Variants in SLC24A4 observed in about 807,000 individuals in gnomAD.
SLC24A4 encodes the protein solute carrier family 24 member 4, also known as sodium/potassium/calcium exchanger 4.
SLC24A4 carries 53 observed loss-of-function variants against 79.0 expected under a neutral mutation model. The ratio of observed to expected loss-of-function variants is 0.67; its 90% CI spans 0.54 to 0.84. The LOEUF is 0.84. Ranked by LOEUF, SLC24A4 falls within the 40% of genes least tolerant of loss-of-function variation. The pLI, the probability that SLC24A4 is intolerant of heterozygous loss-of-function variation, is 0.00. For missense variants in SLC24A4, 731 were observed against 822.0 expected (o/e 0.89, Z 1.35); for synonymous variants, 323 against 323.8 (o/e 1.00, Z 0.03).
intron 2 of SLC24A4, among the ~76,000 whole-genome samples, chr14:92,332,478 C>A (rs1885537285): frequency 1.3e-5 from 2 of 152,110 alleles, no homozygotes; most frequent in African/African-American, 2.4e-5. Context: ...CAGCCCAGAG[C>A]AACAGAGGGA....
chr14:92,403,513 C>T (rs189589205), intron 2 of SLC24A4, among the ~76,000 whole-genome samples: 1 of 151,570 alleles, frequency 6.6e-6, no homozygotes, highest in African/African-American at 2.4e-5. Flanking sequence ...GAGGCTGAGG[C>T]AGGAGAATTG....
rs1385414491 is a variant in SLC24A4 at position 92,484,235 on chromosome 14, A to G, written c.1422+1389A>G. On this transcript the variant is annotated intron_variant, in intron 13 of 16. Coordinates refer to ENST00000532405, the MANE Select transcript of SLC24A4 (RefSeq NM_153646.4). ...ACAGTGTATGGGAGCCATTTTGCCTATGCTTTCCTGAAATCCCACCCTTTG... is the reference window on the plus strand; with the variant it reads ...ACAGTGTATGGGAGCCATTTTGCCTGTGCTTTCCTGAAATCCCACCCTTTG... 5 of 984,892 alleles carry G rather than the reference A, an allele frequency of 5.1e-6. No individual in the cohort carries two copies. The African/African-American group carries it at 7.0e-5, about 14-fold the overall frequency. The allele number at this position is 984,892 out of a possible 1,614,324, so 61.0% of individuals were successfully genotyped here. A position where few individuals can be genotyped will look rare whatever the true frequency, so the allele number is the denominator to read the frequency against.
At chr14:92,461,055 A>T (rs117494569) in intron 12 of SLC24A4, among the ~76,000 whole-genome samples, 4 of 152,124 alleles carry the variant, frequency 2.6e-5, no homozygotes, top group African/African-American at 9.7e-5. Context: ...CAGTGCTGGC[A>T]CCGCCCTGAA....
chr14:92,350,742 G>A (rs1402229285), intron 2 of SLC24A4, among the ~76,000 whole-genome samples: 1 of 152,242 alleles, frequency 6.6e-6, no homozygotes, highest in Non-Finnish European at 1.5e-5. Context: ...AGATATAGCT[G>A]CAGGACTTTG....
At chr14:92,382,363 G>C (rs1888904436) in intron 2 of SLC24A4, among the ~76,000 whole-genome samples, 1 of 152,154 alleles carries the variant, frequency 6.6e-6, no homozygotes, top group Non-Finnish European at 1.5e-5. Flanking sequence ...GTTCACCTCT[G>C]TGAGCCTCAG....
chr14:92,323,925 T>G lies in SLC24A4; in HGVS notation c.95T>G (p.Leu32Arg), dbSNP rs751387315. 3.7e-6 allele frequency: 6 copies of G among 1,611,164 alleles called. No homozygotes were observed. Among genetic ancestry groups the G allele is most frequent in the Non-Finnish European group, 5.1e-6 (6 of 1,179,724 alleles). Residue 32 changes from leucine (L) to arginine (R), a missense_variant, in exon 1 of 17, where the codon CTG (leucine) becomes CGG (arginine). Transcript: ENST00000532405. The surrounding 1 kb of genome is among the most constrained non-coding windows in gnomAD (Gnocchi z 4.9). ...QVGFVCAVLA[L>R]VCCASGLFGS... The stretch of plus-strand genomic sequence containing the variant: ...GGCTTCGTGTGCGCGGTGCTGGCCC[T>G]GGTGTGCTGTGCGTCCGGCCTCTTC...
At chr14:92,404,157 C>T (rs981201721) in intron 2 of SLC24A4, among the ~76,000 whole-genome samples, 1 of 152,186 alleles carries the variant, frequency 6.6e-6, no homozygotes, top group Non-Finnish European at 1.5e-5. Context: ...TCTGACTCCG[C>T]ATCTACCCTA....
At chr14:92,455,549 C>T (rs191609345) in intron 11 of SLC24A4, among the ~76,000 whole-genome samples, 117 of 152,260 alleles carry the variant, frequency 7.7e-4, no homozygotes, top group African/African-American at 2.5e-3. Flanking sequence ...AGTTCAAGTT[C>T]AGGAAAAACT....
At chr14:92,412,677 A>G (rs1595240901) in intron 2 of SLC24A4, among the ~76,000 whole-genome samples, 3 of 152,072 alleles carry the variant, frequency 2.0e-5, no homozygotes, top group Admixed American at 2.0e-4. Flanking sequence ...CCTGCGGGTC[A>G]GGGGGCCGCA....
intron 12 of SLC24A4, among the ~76,000 whole-genome samples, chr14:92,459,550 G>A (rs1054119272): frequency 6.6e-6 from 1 of 152,136 alleles, no homozygotes; most frequent in African/African-American, 2.4e-5. Flanking sequence ...AGTTCCACAC[G>A]TTTCCTCTGT....
At chr14:92,467,925 A>C (rs9323877) in intron 12 of SLC24A4, among the ~76,000 whole-genome samples, 1 of 152,000 alleles carries the variant, frequency 6.6e-6, no homozygotes, top group Admixed American at 6.6e-5. Context: ...TCTATTCCAC[A>C]TTATGCTGAG....
intron 2 of SLC24A4, among the ~76,000 whole-genome samples, chr14:92,375,901 A>G (rs1346428594): frequency 2.6e-5 from 4 of 152,174 alleles, no homozygotes; most frequent in Non-Finnish European, 5.9e-5. Flanking sequence ...GTTCTTCCCA[A>G]AGGTGGTGTG....
rs10148376 is a variant in SLC24A4 at position 92,446,672 on chromosome 14, A to G, written c.684-699A>G. Among the ~76,000 whole-genome samples, 908 of 152,348 alleles carry G rather than the reference A, an allele frequency of 6.0e-3. 11 individuals are homozygous for G. The highest frequency in any genetic ancestry group is 0.021 in the African/African-American group (867 of 41,582). On this transcript the variant is annotated intron_variant, in intron 8 of 16. Coordinates refer to ENST00000532405, the MANE Select transcript of SLC24A4 (RefSeq NM_153646.4). ...GGAGGTTAGCAAAGGAAGAGCTCCC[A>G]AAACAACTGTAGCCCATGCTGGACA... is the stretch of plus-strand genomic sequence containing the variant.
chr14:92,457,883 C>T (rs1215776683), intron 12 of SLC24A4, among the ~76,000 whole-genome samples: 1 of 152,240 alleles, frequency 6.6e-6, no homozygotes, highest in Non-Finnish European at 1.5e-5. Context: ...GGGCCAGAGG[C>T]TGTCCTGCCT....
chr14:92,327,073 C>T (rs1885185726), intron 2 of SLC24A4, among the ~76,000 whole-genome samples: 1 of 152,190 alleles, frequency 6.6e-6, no homozygotes, highest in African/African-American at 2.4e-5. Context: ...GCACAAGTTG[C>T]TCAAAGTCAC....
chr14:92,497,185 A>G lies in SLC24A4; in HGVS notation c.*3557A>G, dbSNP rs550898741. The G allele has an allele frequency of 6.6e-6, 1 of 152,428 alleles. No individual in the cohort carries two copies. The highest frequency in any genetic ancestry group is 6.5e-5 in the Admixed American group (1 of 15,298). The allele number at this position is 152,428 out of a possible 1,614,324, so 9.4% of individuals were successfully genotyped here. A position where few individuals can be genotyped will look rare whatever the true frequency, so the allele number is the denominator to read the frequency against. On this transcript the variant is annotated 3_prime_UTR_variant, in exon 17 of 17. Coordinates refer to ENST00000532405, the MANE Select transcript of SLC24A4 (RefSeq NM_153646.4). ...TTGCCCCTGTCGGTCCCCTGCCTTAACAGACCTAAGCAGCTGATAATGCAC... is the reference window on the plus strand; with the variant it reads ...TTGCCCCTGTCGGTCCCCTGCCTTAGCAGACCTAAGCAGCTGATAATGCAC...
At chr14:92,338,179 T>A (rs1885925829) in intron 2 of SLC24A4, among the ~76,000 whole-genome samples, 1 of 152,166 alleles carries the variant, frequency 6.6e-6, no homozygotes. Context: ...GAATGAGAGC[T>A]GGAATTTGGA....
intron 2 of SLC24A4, among the ~76,000 whole-genome samples, chr14:92,382,599 A>C (rs1413371004): frequency 6.6e-6 from 1 of 152,218 alleles, no homozygotes; most frequent in African/African-American, 2.4e-5. Context: ...TGAGGTCGGT[A>C]GAAGCAGAAG....
rs149248445 is a variant in SLC24A4 at position 92,323,938 on chromosome 14, G to T, written c.108G>T (p.Ala36=). Residue 36 remains alanine, a synonymous_variant, in exon 1 of 17, where the codon GCG becomes GCT. Transcript: ENST00000532405. The surrounding 1 kb of genome is among the most constrained non-coding windows in gnomAD (Gnocchi z 4.9). ...VCAVLALVCC[A]SGLFGSLGHK... is the part of the protein sequence containing the mutation. ...CGGTGCTGGCCCTGGTGTGCTGTGC[G>T]TCCGGCCTCTTCGGCAGCTTGGGTG... 1,835 of 1,611,392 alleles carry T rather than the reference G, an allele frequency of 1.1e-3. 19 individuals carry two copies. The African/African-American group carries it at 0.022, about 19-fold the overall frequency.
Sources: gnomAD v4.1 joint callset for allele counts (sites outside exome capture counted in the v4.1 genomes callset) on GRCh38, gnomAD v4.1.1 for gene constraint, Gnocchi (gnomAD v3.1) non-coding constraint, MANE v1.5 for transcripts, NCBI Gene and HGNC (gene_info 2026-07-23, HGNC 2026-07-21) for gene names.